Variants in ULK4 observed in about 807,000 individuals in gnomAD.
The protein encoded by ULK4 is inactive serine/threonine-protein kinase ULK4.
ULK4 carries 133 observed loss-of-function variants against 160.6 expected under a neutral mutation model. The observed-to-expected ratio is 0.83, with a 90% CI of 0.72 to 0.96. The LOEUF is 0.96. Ranked by LOEUF, ULK4 falls within the 40% of genes least tolerant of loss-of-function variation. ULK4 has a pLI of 0.00. For synonymous variants in ULK4, 534 were observed against 539.8 expected, an observed-to-expected ratio of 0.99 and a Z score of 0.15; for missense variants, 1,580 against 1,499.5, an observed-to-expected ratio of 1.05 and a Z score of -0.89.
In ULK4 at chr3:41,522,763, G is replaced by T. The variant is rs76497965; in HGVS notation, c.3226+43262C>A. Among the ~76,000 whole-genome samples the T allele has an allele frequency of 2.3e-3, 357 of 152,290 alleles. 2 individuals are homozygous for T. The highest frequency in any genetic ancestry group is 7.9e-3 in the African/African-American group (329 of 41,566). On this transcript the variant is annotated intron_variant, in intron 32 of 36. Coordinates refer to ENST00000301831, the MANE Select transcript of ULK4 (RefSeq NM_017886.4). Reference sequence around the variant, plus strand: ...CTGTTAAATCCAAATTATGGTCTCAGTCTCTGCCAGTGATTTTCATTGTGT... The same window carrying T: ...CTGTTAAATCCAAATTATGGTCTCATTCTCTGCCAGTGATTTTCATTGTGT...
intron 32 of ULK4, among the ~76,000 whole-genome samples, chr3:41,486,723 C>T (rs925426222): frequency 1.3e-5 from 2 of 152,072 alleles, no homozygotes; most frequent in African/African-American, 2.4e-5. Flanking sequence ...CAATTTGGGC[C>T]AATTTCTGCA....
At chr3:41,824,144 G>A (rs1323564771) in intron 18 of ULK4, among the ~76,000 whole-genome samples, 2 of 136,024 alleles carry the variant, frequency 1.5e-5, no homozygotes, top group African/African-American at 5.9e-5. Flanking sequence ...GCCTGGGTGA[G>A]AGAATGAGAC....
intron 34 of ULK4, among the ~76,000 whole-genome samples, chr3:41,404,047 A>C (rs1430615233): frequency 6.6e-6 from 1 of 152,124 alleles, no homozygotes; most frequent in Non-Finnish European, 1.5e-5. Flanking sequence ...GCACTGGAAA[A>C]AAAAATGCGT....
chr3:41,277,819 G>A (rs965556073), intron 35 of ULK4: 2 of 152,140 alleles, frequency 1.3e-5, no homozygotes, highest in African/African-American at 4.8e-5. Context: ...AAAAACCCTA[G>A]GGGTTTTTGC....
intron 20 of ULK4, among the ~76,000 whole-genome samples, chr3:41,796,268 G>C (rs1354882216): frequency 1.3e-5 from 2 of 152,154 alleles, no homozygotes; most frequent in Non-Finnish European, 2.9e-5. Context: ...GTCTCTCTCT[G>C]TCTGAGAAGA....
intron 19 of ULK4, among the ~76,000 whole-genome samples, chr3:41,804,983 T>C (rs563581568): frequency 1.3e-5 from 2 of 152,316 alleles, no homozygotes; most frequent in South Asian, 4.1e-4. Context: ...TTTGGTTCCA[T>C]ATGAAATTTA....
chr3:41,263,042 C>A (rs2078973316), intron 35 of ULK4, among the ~76,000 whole-genome samples: 1 of 152,146 alleles, frequency 6.6e-6, no homozygotes, highest in Admixed American at 6.5e-5. Context: ...CCCAGGAGGA[C>A]CCAAACCAAG....
At chr3:41,904,297 C>T (rs1442812330) in intron 12 of ULK4, among the ~76,000 whole-genome samples, 5 of 151,868 alleles carry the variant, frequency 3.3e-5, no homozygotes, top group Admixed American at 6.6e-5. Flanking sequence ...GGCATGGTGG[C>T]GCATACTTGT....
chr3:41,885,363 T>A (rs910805601), intron 16 of ULK4, among the ~76,000 whole-genome samples: 7 of 152,290 alleles, frequency 4.6e-5, no homozygotes, highest in African/African-American at 1.7e-4. Context: ...AAAATTTAAA[T>A]CACTTATGAA....
chr3:41,685,766 G>T (rs1240997244), intron 27 of ULK4, among the ~76,000 whole-genome samples: 1 of 152,112 alleles, frequency 6.6e-6, no homozygotes, highest in African/African-American at 2.4e-5. Context: ...TCTTCAGAGA[G>T]TCTGTCTGGG....
chr3:41,783,601 T>C (rs559256487), intron 21 of ULK4, among the ~76,000 whole-genome samples: 19 of 151,706 alleles, frequency 1.3e-4, no homozygotes, highest in African/African-American at 4.6e-4. Context: ...CTTGAACTCT[T>C]AGGTTCATGC....
intron 35 of ULK4, among the ~76,000 whole-genome samples, chr3:41,324,540 G>A (rs1203477418): frequency 6.6e-6 from 1 of 152,184 alleles, no homozygotes; most frequent in African/African-American, 2.4e-5. Context: ...ACTACCATCA[G>A]GTAGAGAGGA....
At chr3:41,693,967 T>C (rs1401101655) in intron 27 of ULK4, among the ~76,000 whole-genome samples, 1 of 152,242 alleles carries the variant, frequency 6.6e-6, no homozygotes, top group East Asian at 1.9e-4. Flanking sequence ...ATTGACTATA[T>C]ACTCCCAGTG....
At chr3:41,442,688 G>C (rs1391215621) in intron 34 of ULK4, among the ~76,000 whole-genome samples, 1 of 151,446 alleles carries the variant, frequency 6.6e-6, no homozygotes, top group Non-Finnish European at 1.5e-5. Flanking sequence ...TGAACTCCTG[G>C]GCTCAAGTGA....
intron 32 of ULK4, among the ~76,000 whole-genome samples, chr3:41,506,310 C>G (rs73828095): frequency 0.074 from 11,189 of 152,210 alleles, 579 homozygotes; most frequent in Admixed American, 0.13. Flanking sequence ...CTGTATCTAT[C>G]TTTCAATCCA....
At chr3:41,719,777 T>C (rs960154361) in intron 22 of ULK4, among the ~76,000 whole-genome samples, 2 of 152,192 alleles carry the variant, frequency 1.3e-5, no homozygotes, top group African/African-American at 4.8e-5. Flanking sequence ...ATCTTGTCCA[T>C]CAGGTCACTC....
intron 35 of ULK4, among the ~76,000 whole-genome samples, chr3:41,387,937 A>C (rs2081860196): frequency 6.6e-6 from 1 of 152,202 alleles, no homozygotes; most frequent in Admixed American, 6.5e-5. Context: ...TAGATCCCTG[A>C]GGAATCGCCA....
intron 30 of ULK4, among the ~76,000 whole-genome samples, chr3:41,632,325 T>A (rs951547344): frequency 2.6e-5 from 4 of 152,242 alleles, no homozygotes; most frequent in Admixed American, 6.5e-5. Flanking sequence ...CCATATTTTT[T>A]AAAATTATTT....
intron 35 of ULK4, among the ~76,000 whole-genome samples, chr3:41,392,289 A>G (rs1408004981): frequency 6.6e-6 from 1 of 152,138 alleles, no homozygotes; most frequent in Non-Finnish European, 1.5e-5. Flanking sequence ...CATTCTCTGG[A>G]TGTTCTAAAT....
Sources: allele counts gnomAD v4.1 joint callset (sites outside exome capture counted in the v4.1 genomes callset), GRCh38; gene constraint gnomAD v4.1.1; transcripts MANE v1.5; gene names NCBI Gene and HGNC (gene_info 2026-07-23, HGNC 2026-07-21).